Variants in SLC5A10 observed in about 807,000 individuals in gnomAD.
SLC5A10 encodes solute carrier family 5 member 10.
A neutral mutation model predicts 68.9 loss-of-function variants in SLC5A10; 55 were observed. The observed-to-expected ratio is 0.80, with a 90% CI of 0.64 to 1.00. The LOEUF (loss-of-function observed/expected upper bound fraction) is 1.00, where lower values mean the gene tolerates loss of function less well. Ranked by LOEUF, SLC5A10 falls within the 50% of genes least tolerant of loss-of-function variation. The pLI, the probability that SLC5A10 is intolerant of heterozygous loss-of-function variation, is 0.00. For synonymous variants in SLC5A10, 344 were observed against 344.8 expected, an observed-to-expected ratio of 1.00 and a Z score of 0.02; for missense variants, 732 against 819.3, an observed-to-expected ratio of 0.89 and a Z score of 1.30.
chr17:18,961,698 G>A (rs1338641354), intron 5 of SLC5A10, among the ~76,000 whole-genome samples: 1 of 152,152 alleles, frequency 6.6e-6, no homozygotes, highest in Non-Finnish European at 1.5e-5. Context: ...AGGAGCTGTG[G>A]GCAGGGCTAC....
intron 9 of SLC5A10, among the ~76,000 whole-genome samples, chr17:19,001,147 G>A (rs775519987): frequency 3.9e-5 from 6 of 152,282 alleles, no homozygotes; most frequent in South Asian, 2.1e-4. Flanking sequence ...AAAGCGCCTC[G>A]CACTCAGTCA....
In SLC5A10 at chr17:19,018,138, A is replaced by C. The variant is rs2044178720; in HGVS notation, c.1242-1285A>C. 1 of 152,268 alleles carries C rather than the reference A, an allele frequency of 6.6e-6. No individual in the cohort carries two copies. Among genetic ancestry groups the C allele is most frequent in the Non-Finnish European group, 1.5e-5 (1 of 68,086 alleles). 9.4% of individuals were successfully genotyped at this position (152,268 alleles called of 1,614,324 possible). A position where few individuals can be genotyped will look rare whatever the true frequency, so the allele number is the denominator to read the frequency against. On this transcript the variant is annotated intron_variant, in intron 11 of 14. Transcript: ENST00000395645. The surrounding 1 kb of genome is among the most constrained non-coding windows in gnomAD (Gnocchi z 4.2). ...CTCCACCCTCTCCCTCAGGCCTAGAAGGGAAGAAAGGGAGGGAGGAAGGCG... is the reference window on the plus strand; with the variant it reads ...CTCCACCCTCTCCCTCAGGCCTAGACGGGAAGAAAGGGAGGGAGGAAGGCG...
intron 9 of SLC5A10, chr17:18,977,282 G>A: frequency 3.4e-6 from 2 of 579,752 alleles, no homozygotes; most frequent in African/African-American, 1.9e-5. Context: ...CCACCCATCT[G>A]GCAGGTGCCA....
At chr17:18,951,316 T>G (rs768695926), upstream of SLC5A10, among the ~76,000 whole-genome samples, 3 of 152,246 alleles carry the variant, frequency 2.0e-5, no homozygotes, top group Non-Finnish European at 4.4e-5. Flanking sequence ...GGGCCACATC[T>G]GCACTGAATC....
intron 9 of SLC5A10, among the ~76,000 whole-genome samples, chr17:18,992,179 G>A (rs2043443005): frequency 6.6e-6 from 1 of 152,150 alleles, no homozygotes; most frequent in Non-Finnish European, 1.5e-5. Flanking sequence ...CTCCCATGCT[G>A]TACCCTCCCT....
chr17:19,003,911 T>C lies in SLC5A10; in HGVS notation c.983-9499T>C, dbSNP rs1365089968. On this transcript the variant is annotated intron_variant, in intron 9 of 14. Coordinates refer to ENST00000395645, the MANE Select transcript of SLC5A10 (RefSeq NM_001042450.4). The surrounding 1 kb of genome is among the most constrained non-coding windows in gnomAD (Gnocchi z 4.5). ...CCGCTTGAGCACCTCGTAGAAGGCG[T>C]CCCGGCCGCGGGCCACCAGGGCCTC... 2.5e-6 allele frequency: 4 copies of C among 1,612,786 alleles called. No homozygotes were observed. Among genetic ancestry groups the C allele is most frequent in the Non-Finnish European group, 3.4e-6 (4 of 1,179,936 alleles).
intron 9 of SLC5A10, chr17:18,979,638 G>A (rs573150826): frequency 4.3e-6 from 7 of 1,613,548 alleles, no homozygotes; most frequent in African/African-American, 4.0e-5. Flanking sequence ...ACCGCGTGAA[G>A]AACTCAGTTC....
chr17:18,967,158 C>T (rs1327417960), intron 5 of SLC5A10, among the ~76,000 whole-genome samples: 11 of 152,164 alleles, frequency 7.2e-5, no homozygotes, highest in Admixed American at 2.6e-4. Flanking sequence ...GGGGGCTGCT[C>T]GGGAGTTGCA....
intron 1 of SLC5A10, among the ~76,000 whole-genome samples, chr17:18,957,429 A>G (rs557390433): frequency 5.3e-5 from 8 of 152,290 alleles, no homozygotes; most frequent in Non-Finnish European, 1.2e-4. Context: ...TAAAATTTAC[A>G]TAATATACAA....
chr17:18,999,909 G>A (rs2043684548), intron 9 of SLC5A10, among the ~76,000 whole-genome samples: 2 of 152,244 alleles, frequency 1.3e-5, no homozygotes, highest in African/African-American at 2.4e-5. Flanking sequence ...TGGGGCTGGT[G>A]AGGGATCCTG....
At chr17:18,988,485 G>T in intron 9 of SLC5A10, 1 of 1,580,248 alleles carries the variant, frequency 6.3e-7, no homozygotes, top group Non-Finnish European at 8.6e-7. Flanking sequence ...CTGGCAGAGC[G>T]CACAGCCCTC....
At position 19,022,498 on chromosome 17, in the gene SLC5A10, A is replaced by G. The variant is rs2044280047; in HGVS notation, c.*2067A>G. 1 of 239,532 alleles carries G rather than the reference A, an allele frequency of 4.2e-6. No homozygotes were observed. Among genetic ancestry groups the G allele is most frequent in the Non-Finnish European group, 8.0e-6 (1 of 125,054 alleles). 14.8% of individuals were successfully genotyped at this position (239,532 alleles called of 1,614,324 possible). Reference sequence around the variant, plus strand: ...TTATTTACCCGACTCTGCAGCAGCCATGGTAGCTTTTGACTCCAGGCCACA... The same window carrying G: ...TTATTTACCCGACTCTGCAGCAGCCGTGGTAGCTTTTGACTCCAGGCCACA... On this transcript the variant is annotated 3_prime_UTR_variant, in exon 15 of 15. Transcript: ENST00000395645.
At chr17:18,956,243 C>G (rs182971919) in intron 1 of SLC5A10, among the ~76,000 whole-genome samples, 163 of 146,308 alleles carry the variant, frequency 1.1e-3, no homozygotes, top group African/African-American at 4.0e-3. Flanking sequence ...AAATAAATAA[C>G]AAATAGATAA....
rs765069545 is a variant in SLC5A10, at chr17:19,004,022, T to C, written c.983-9388T>C. 20 of 1,601,188 alleles carry C rather than the reference T, an allele frequency of 1.2e-5. No individual in the cohort carries two copies. Among genetic ancestry groups the C allele is most frequent in the Non-Finnish European group, 1.7e-5 (20 of 1,172,428 alleles). On this transcript the variant is annotated intron_variant, in intron 9 of 14. Coordinates refer to ENST00000395645, the MANE Select transcript of SLC5A10 (RefSeq NM_001042450.4). This position sits in a 1 kb window ranked among gnomAD's most constrained non-coding sequence, Gnocchi z 5.4. ...GTTCACATGGTTGTCGTCCAGACAC[T>C]GCACCTGAGAGAAGGCCATGGCGCC...
chr17:18,961,768 C>T (rs1597818760), intron 5 of SLC5A10, among the ~76,000 whole-genome samples: 1 of 152,126 alleles, frequency 6.6e-6, no homozygotes. Context: ...GTGGGGGTCT[C>T]ATGCAGCATC....
intron 5 of SLC5A10, among the ~76,000 whole-genome samples, chr17:18,961,646 G>C (rs551329332): frequency 6.6e-6 from 1 of 152,194 alleles, no homozygotes; most frequent in South Asian, 2.1e-4. Flanking sequence ...GAAGGGAATG[G>C]AGGTGCAGAG....
At chr17:18,951,244 GA>G (rs1256000693), upstream of SLC5A10, among the ~76,000 whole-genome samples, 1 of 152,232 alleles carries the variant, frequency 6.6e-6, no homozygotes, top group Non-Finnish European at 1.5e-5. Flanking sequence ...ATTAGTGAGC[GA>G]GCGTCCCACT....
chr17:18,987,144 C>G (rs1294958184), intron 9 of SLC5A10, among the ~76,000 whole-genome samples: 2 of 152,244 alleles, frequency 1.3e-5, no homozygotes, highest in Non-Finnish European at 2.9e-5. Context: ...GTTAACCAGA[C>G]TGGCGGTGCC....
At chr17:18,977,279 T>C (rs890897892) in intron 9 of SLC5A10, 2 of 580,692 alleles carry the variant, frequency 3.4e-6, no homozygotes, top group Admixed American at 3.2e-5. Context: ...GTGCCACCCA[T>C]CTGGCAGGTG....
Sources: allele counts gnomAD v4.1 joint callset (sites outside exome capture counted in the v4.1 genomes callset), GRCh38; gene constraint gnomAD v4.1.1; non-coding constraint Gnocchi (gnomAD v3.1); transcripts MANE v1.5; gene names NCBI Gene and HGNC (gene_info 2026-07-23, HGNC 2026-07-21).